C8orf34: variants seen among roughly 807,000 people sequenced by gnomAD.
C8orf34 encodes the protein uncharacterized protein C8orf34.
Under a neutral mutation model 68.3 loss-of-function variants are expected in C8orf34, and 65 were observed. That is an observed-to-expected ratio of 0.95 (90% CI 0.78 to 1.17). The LOEUF is 1.17. Among genes scored for constraint, C8orf34 ranks in the 50% most tolerant of loss-of-function variants. C8orf34 has a pLI of 0.00. For missense variants in C8orf34, 664 were observed against 655.4 expected (o/e 1.01, Z -0.14); for synonymous variants, 244 against 241.2 (o/e 1.01, Z -0.11).
chr8:68,612,838 A>C (rs1331793771), intron 7 of C8orf34, among the ~76,000 whole-genome samples: 1 of 152,112 alleles, frequency 6.6e-6, no homozygotes. Context: ...CTTTTTGAGA[A>C]TCTTATAGAT....
At chr8:68,439,866 T>C (rs922521177) in intron 2 of C8orf34, among the ~76,000 whole-genome samples, 3 of 152,216 alleles carry the variant, frequency 2.0e-5, no homozygotes, top group Non-Finnish European at 4.4e-5. Context: ...GCATTTTGCA[T>C]TTTAATACAG....
intron 6 of C8orf34, among the ~76,000 whole-genome samples, chr8:68,525,053 G>C (rs1176613921): frequency 2.0e-5 from 3 of 152,126 alleles, no homozygotes; most frequent in Non-Finnish European, 4.4e-5. Flanking sequence ...TTAGAAATGT[G>C]TATGAAATAT....
intron 1 of C8orf34, among the ~76,000 whole-genome samples, chr8:68,376,328 C>T (rs1474174695): frequency 6.6e-6 from 1 of 152,086 alleles, no homozygotes; most frequent in Non-Finnish European, 1.5e-5. Flanking sequence ...AGCAGTCCAA[C>T]AGAGCATGGA....
intron 13 of C8orf34, among the ~76,000 whole-genome samples, chr8:68,817,161 A>G (rs943816675): frequency 1.3e-5 from 2 of 152,192 alleles, no homozygotes; most frequent in African/African-American, 4.8e-5. Context: ...CTTATCATGG[A>G]ACTTACTAAA....
chr8:68,794,475 A>AT lies in C8orf34; in HGVS notation c.1549+6939_1549+6940insT, dbSNP rs1468324307. On this transcript the variant is annotated intron_variant, in intron 12 of 13. Transcript: ENST00000518698. ...GCATGAATCATTGTGCCCAGTATAT[A>AT]AATATAAATATATATATATATATAT... Among the ~76,000 whole-genome samples the AT allele has an allele frequency of 1.3e-3, 148 of 110,634 alleles. 7 individuals carry two copies. The highest frequency in any genetic ancestry group is 6.5e-3 in the African/African-American group (143 of 21,950). 72.6% of individuals were successfully genotyped at this position (110,634 alleles called of 152,430 possible). A position where few individuals can be genotyped will look rare whatever the true frequency, so the allele number is the denominator to read the frequency against.
chr8:68,533,648 A>G, intron 7 of C8orf34: 1 of 981,830 alleles, frequency 1.0e-6, no homozygotes, highest in South Asian at 4.7e-5. Context: ...GTTTGCAGAG[A>G]TTTCAAAGTT....
chr8:68,373,599 G>A (rs375327041), intron 1 of C8orf34, among the ~76,000 whole-genome samples: 1 of 152,168 alleles, frequency 6.6e-6, no homozygotes, highest in Non-Finnish European at 1.5e-5. Context: ...AGCCAGAACT[G>A]TCTCATTCTG....
At chr8:68,398,573 A>G (rs1808814442) in intron 1 of C8orf34, among the ~76,000 whole-genome samples, 1 of 152,174 alleles carries the variant, frequency 6.6e-6, no homozygotes, top group African/African-American at 2.4e-5. Flanking sequence ...AATTTGAGTG[A>G]CAATAGTAAC....
chr8:68,347,307 C>G (rs555307791), intron 1 of C8orf34, among the ~76,000 whole-genome samples: 7 of 152,014 alleles, frequency 4.6e-5, no homozygotes, highest in African/African-American at 1.7e-4. Context: ...TCTTTTCTTA[C>G]GGCTGCATAG....
In C8orf34 at chr8:68,491,346, C is replaced by T. The variant is rs1264513895; in HGVS notation, c.765+3295C>T. Among the ~76,000 whole-genome samples, 5 of 152,054 alleles carry T rather than the reference C, an allele frequency of 3.3e-5. No homozygotes were observed. The East Asian group carries it at 9.7e-4, about 29-fold the overall frequency. On this transcript the variant is annotated intron_variant, in intron 5 of 13. Coordinates refer to ENST00000518698, the MANE Select transcript of C8orf34 (RefSeq NM_052958.4). ...TTGGCTTTCGATTGCTGCTGTGACACTTTAAAGCAACACAAATTTATTATC... is the reference window on the plus strand; with the variant it reads ...TTGGCTTTCGATTGCTGCTGTGACATTTTAAAGCAACACAAATTTATTATC...
At chr8:68,468,026 C>T (rs1812223787) in intron 3 of C8orf34, among the ~76,000 whole-genome samples, 1 of 151,900 alleles carries the variant, frequency 6.6e-6, no homozygotes, top group African/African-American at 2.4e-5. Context: ...CATTGTTCTC[C>T]TGGATTGAAG....
intron 3 of C8orf34, among the ~76,000 whole-genome samples, chr8:68,458,629 A>C (rs937104786): frequency 6.6e-6 from 1 of 152,206 alleles, no homozygotes; most frequent in African/African-American, 2.4e-5. Context: ...AATCTGATAC[A>C]AATATTGTTT....
At chr8:68,772,103 T>C (rs1230949671) in intron 10 of C8orf34, among the ~76,000 whole-genome samples, 1 of 152,192 alleles carries the variant, frequency 6.6e-6, no homozygotes. Flanking sequence ...CAGGTAGTTC[T>C]TAAGAGAATG....
At chr8:68,683,503 A>ACT (rs1285972586) in intron 8 of C8orf34, among the ~76,000 whole-genome samples, 3 of 151,936 alleles carry the variant, frequency 2.0e-5, no homozygotes, top group African/African-American at 7.3e-5. Context: ...TGGGGGTGTA[A>ACT]CTCTATTTTG....
intron 3 of C8orf34, among the ~76,000 whole-genome samples, chr8:68,454,502 T>C (rs1397514710): frequency 6.6e-6 from 1 of 152,080 alleles, no homozygotes; most frequent in Non-Finnish European, 1.5e-5. Context: ...GTAGTTTGCA[T>C]GTTTCTAGAA....
At chr8:68,477,569 G>A (rs1322694240) in intron 4 of C8orf34, among the ~76,000 whole-genome samples, 1 of 152,202 alleles carries the variant, frequency 6.6e-6, no homozygotes, top group African/African-American at 2.4e-5. Context: ...AGCTTGAACT[G>A]TGCTCCTGGA....
At chr8:68,512,434 G>A (rs529422594) in intron 5 of C8orf34, among the ~76,000 whole-genome samples, 1 of 152,220 alleles carries the variant, frequency 6.6e-6, no homozygotes, top group African/African-American at 2.4e-5. Flanking sequence ...AAAGCCAGGT[G>A]TCAGGGAAAA....
At chr8:68,744,445 G>C (rs1248672763) in intron 10 of C8orf34, among the ~76,000 whole-genome samples, 2 of 152,066 alleles carry the variant, frequency 1.3e-5, no homozygotes, top group African/African-American at 2.4e-5. Flanking sequence ...TGAGCTATGG[G>C]AGGACATTCA....
At chr8:68,512,539 T>C (rs1014662910) in intron 5 of C8orf34, among the ~76,000 whole-genome samples, 3 of 152,168 alleles carry the variant, frequency 2.0e-5, no homozygotes, top group African/African-American at 7.2e-5. Flanking sequence ...CACATTATCA[T>C]AAATTATTTA....
Sources: gnomAD v4.1 joint callset for allele counts (sites outside exome capture counted in the v4.1 genomes callset) on GRCh38, gnomAD v4.1.1 for gene constraint, MANE v1.5 for transcripts, NCBI Gene and HGNC (gene_info 2026-07-23, HGNC 2026-07-21) for gene names.